DCDC1: variants seen among roughly 807,000 people sequenced by gnomAD.
The protein encoded by DCDC1 is doublecortin domain-containing protein 1.
DCDC1 carries 200 observed loss-of-function variants against 178.3 expected under a neutral mutation model. That is an observed-to-expected ratio of 1.12 (90% CI 1.00 to 1.26). The LOEUF (loss-of-function observed/expected upper bound fraction) is 1.26. Among genes scored for constraint, DCDC1 ranks in the 50% most tolerant of loss-of-function variants. DCDC1 has a pLI of 0.00. For synonymous variants in DCDC1, 690 were observed against 604.8 expected (o/e 1.14, Z -2.07); for missense variants, 1,983 against 1,749.2 (o/e 1.13, Z -2.38).
intron 7 of DCDC1, among the ~76,000 whole-genome samples, chr11:31,289,111 G>C (rs1247200232): frequency 2.0e-5 from 3 of 151,826 alleles, no homozygotes; most frequent in Non-Finnish European, 4.4e-5. Context: ...CCTTTCTAGA[G>C]ACAAAAAGCA....
intron 15 of DCDC1, among the ~76,000 whole-genome samples, chr11:31,096,575 G>A (rs951549612): frequency 1.3e-5 from 2 of 151,934 alleles, no homozygotes; most frequent in African/African-American, 2.4e-5. Context: ...TCTCTGCCTT[G>A]GGCTGGCACC....
At chr11:30,936,249 A>C (rs1423889265) in intron 21 of DCDC1, among the ~76,000 whole-genome samples, 2 of 152,184 alleles carry the variant, frequency 1.3e-5, no homozygotes, top group Non-Finnish European at 2.9e-5. Context: ...GCCCTGTCCA[A>C]ATATGCGAGT....
rs753707716 is a variant in DCDC1, at chr11:31,065,083, T to C, written c.2369A>G (p.Tyr790Cys). 1 of 765,586 alleles carries C rather than the reference T, an allele frequency of 1.3e-6. No individual in the cohort carries two copies. The highest frequency in any genetic ancestry group is 1.3e-5 in the South Asian group (1 of 74,560). The allele number at this position is 765,586 out of a possible 1,614,324, so 47.4% of individuals were successfully genotyped here. ...GGTCCAGGCACCATGGTGAATGTGATACTCTGTCTGGGTCACATCTACTTG... is the reference window on the plus strand; with the variant it reads ...GGTCCAGGCACCATGGTGAATGTGACACTCTGTCTGGGTCACATCTACTTG... ...NAQVDVTQTEYHIHHGAWTTA... is the reference protein window; with the variant it reads ...NAQVDVTQTECHIHHGAWTTA... The change falls in exon 19 of 39, where the codon TAT (tyrosine) becomes TGT (cysteine). Residue 790 changes from tyrosine (Y) to cysteine (C), a missense_variant. Physicochemically the swap from Tyr to Cys is radical, Grantham distance 194 (BLOSUM62 -2). Transcript: ENST00000684477.
chr11:30,976,401 T>C (rs1950103770), intron 20 of DCDC1, among the ~76,000 whole-genome samples: 2 of 151,896 alleles, frequency 1.3e-5, no homozygotes, highest in Admixed American at 1.3e-4. Flanking sequence ...AGAGTATCTG[T>C]TGAATGGGAG....
At chr11:31,294,900 G>A (rs961627654) in intron 6 of DCDC1, among the ~76,000 whole-genome samples, 3 of 152,150 alleles carry the variant, frequency 2.0e-5, no homozygotes, top group Non-Finnish European at 2.9e-5. Context: ...TGTGGTTAAA[G>A]CCAAAGAGGC....
intron 10 of DCDC1, among the ~76,000 whole-genome samples, chr11:31,132,527 T>G (rs1559778): frequency 6.6e-6 from 1 of 152,032 alleles, no homozygotes; most frequent in Non-Finnish European, 1.5e-5. Context: ...ATCCTTTTTT[T>G]TTCCTCTACA....
chr11:31,142,177 A>T (rs208108), intron 9 of DCDC1, among the ~76,000 whole-genome samples: 105,777 of 152,138 alleles, frequency 0.7, 37,780 homozygotes, highest in East Asian at 0.96. Flanking sequence ...AATTTGGTCA[A>T]CCTAGTTAAT....
At chr11:31,350,622 T>C (rs1347757953) in intron 1 of DCDC1, among the ~76,000 whole-genome samples, 1 of 152,112 alleles carries the variant, frequency 6.6e-6, no homozygotes, top group East Asian at 1.9e-4. Context: ...ACATAAACTG[T>C]GAAACTGTAG....
chr11:31,089,194 G>A (rs1467614414), intron 17 of DCDC1, among the ~76,000 whole-genome samples: 1 of 151,996 alleles, frequency 6.6e-6, no homozygotes, highest in African/African-American at 2.4e-5. Context: ...ATTTTCACTG[G>A]GGAAAGTTTT....
chr11:30,932,541 T>A (rs1235622664), intron 21 of DCDC1, among the ~76,000 whole-genome samples: 1 of 152,218 alleles, frequency 6.6e-6, no homozygotes, highest in Non-Finnish European at 1.5e-5. Context: ...ATTCTAGGCA[T>A]GATATTATGC....
intron 10 of DCDC1, among the ~76,000 whole-genome samples, chr11:31,132,709 C>G (rs1007876059): frequency 7.9e-5 from 12 of 152,114 alleles, no homozygotes; most frequent in Admixed American, 7.2e-4. Context: ...CCCTATCAGT[C>G]CCATTCACAA....
intron 9 of DCDC1, among the ~76,000 whole-genome samples, chr11:31,149,489 C>CCCCAGCCAGCAGCAGCAA (rs767819390): frequency 6.6e-6 from 1 of 152,030 alleles, no homozygotes; most frequent in South Asian, 2.1e-4. Context: ...AAGCTGGCCA[C>CCCCAGCCAGCAGCAGCAA]CCCAGCCAGC....
At chr11:30,925,700 C>T (rs1023040728) in intron 22 of DCDC1, among the ~76,000 whole-genome samples, 2 of 152,164 alleles carry the variant, frequency 1.3e-5, no homozygotes, top group Non-Finnish European at 2.9e-5. Context: ...CAGTCCCAGA[C>T]ATGACCAATA....
rs182818125 is a variant in DCDC1, at chr11:31,367,246, C to T, written c.-125+2451G>A. ...CCTGGGAGGTAGAGGCTGCAGTGAG[C>T]TGAGATCATGCCACTGCACTCCAGA... On this transcript the variant is annotated intron_variant, in intron 1 of 38. Coordinates refer to ENST00000684477, the MANE Select transcript of DCDC1 (RefSeq NM_001387274.1). 5.0e-3 allele frequency among the ~76,000 whole-genome samples: 755 copies of T among 152,354 alleles called. 13 individuals are homozygous for T. Among genetic ancestry groups the T allele is most frequent in the Middle Eastern group, 6.8e-3 (2 of 294 alleles).
intron 20 of DCDC1, among the ~76,000 whole-genome samples, chr11:30,978,173 G>T (rs541779821): frequency 6.6e-6 from 1 of 152,176 alleles, no homozygotes; most frequent in African/African-American, 2.4e-5. Context: ...GGCTATCCAC[G>T]CCAATTGTAG....
At chr11:31,002,982 C>CTAA (rs1236002906) in intron 20 of DCDC1, among the ~76,000 whole-genome samples, 2 of 152,008 alleles carry the variant, frequency 1.3e-5, no homozygotes, top group Non-Finnish European at 2.9e-5. Flanking sequence ...TGACCTAAAA[C>CTAA]TAATACACTG....
chr11:31,027,440 C>T (rs866056493), intron 20 of DCDC1, among the ~76,000 whole-genome samples: 1 of 151,950 alleles, frequency 6.6e-6, no homozygotes, highest in South Asian at 2.1e-4. Context: ...AACTCTTTGT[C>T]ATGCAGGAAA....
chr11:30,943,998 G>T (rs1346035852), intron 21 of DCDC1: 3 of 245,558 alleles, frequency 1.2e-5, no homozygotes, highest in Non-Finnish European at 2.4e-5. Flanking sequence ...GGAACTAACA[G>T]GAGAATTGGA....
chr11:31,096,512 T>C (rs1216215372), intron 15 of DCDC1, among the ~76,000 whole-genome samples: 1 of 152,182 alleles, frequency 6.6e-6, no homozygotes, highest in East Asian at 1.9e-4. Context: ...CTCCACAACA[T>C]GGTTTAATCT....
Sources: allele counts gnomAD v4.1 joint callset (sites outside exome capture counted in the v4.1 genomes callset), GRCh38; gene constraint gnomAD v4.1.1; transcripts MANE v1.5; gene names NCBI Gene and HGNC (gene_info 2026-07-23, HGNC 2026-07-21).